KHDRBS2: variants seen among roughly 807,000 people sequenced by gnomAD.
KHDRBS2 encodes the protein KH RNA binding domain containing, signal transduction associated 2.
In KHDRBS2, 26 loss-of-function variants were observed where a neutral mutation model predicts 44.3. The ratio of observed to expected loss-of-function variants is 0.59; its 90% CI spans 0.43 to 0.81. KHDRBS2 has a LOEUF of 0.81. Ranked by LOEUF, KHDRBS2 falls within the 40% of genes least tolerant of loss-of-function variation. The pLI, the probability that KHDRBS2 is intolerant of heterozygous loss-of-function variation, is 0.00. For synonymous variants in KHDRBS2, 194 were observed against 151.1 expected (o/e 1.28, Z -2.08); for missense variants, 476 against 433.1 (o/e 1.10, Z -0.88).
intron 3 of KHDRBS2, among the ~76,000 whole-genome samples, chr6:62,036,522 C>A (rs1200696615): frequency 2.6e-5 from 4 of 151,856 alleles, no homozygotes; most frequent in Non-Finnish European, 4.4e-5. Flanking sequence ...AGCAAACCTG[C>A]ACTTTTATTC....
At chr6:62,057,080 TGAGA>T (rs746037423) in intron 2 of KHDRBS2, among the ~76,000 whole-genome samples, 8 of 151,922 alleles carry the variant, frequency 5.3e-5, no homozygotes, top group Non-Finnish European at 1.2e-4. Context: ...TTTCACAAAG[TGAGA>T]GAAAGTTGGC....
In KHDRBS2 at chr6:62,285,871, G is replaced by A; in HGVS notation, c.78C>T (p.Arg26=). Residue 26 remains arginine (R), a synonymous_variant, in exon 1 of 9, where the codon CGC becomes CGT. Coordinates refer to ENST00000281156, the MANE Select transcript of KHDRBS2 (RefSeq NM_152688.4). The stretch of plus-strand genomic sequence containing the variant: ...GGCAAGTCCTACCTTCTGCCAAAAG[G>A]CGCGACGCATGCACAAAAGATGGAT... ...SLDPSFVHAS[R]LLAEEIEKFQ... 9.9e-6 allele frequency: 16 copies of A among 1,612,774 alleles called. No individual in the cohort carries two copies. The highest frequency in any genetic ancestry group is 1.4e-5 in the Non-Finnish European group (16 of 1,179,376).
intron 4 of KHDRBS2, among the ~76,000 whole-genome samples, chr6:61,951,598 C>A (rs1416176129): frequency 3.3e-5 from 5 of 152,016 alleles, no homozygotes; most frequent in Admixed American, 6.6e-5. Flanking sequence ...ATTGCTTACT[C>A]ATGCAGTTCC....
intron 1 of KHDRBS2, among the ~76,000 whole-genome samples, chr6:62,179,200 G>T (rs1192448199): frequency 6.7e-6 from 1 of 150,310 alleles, no homozygotes; most frequent in Non-Finnish European, 1.5e-5. Context: ...TAATACCTGA[G>T]TGAAATCTAC....
At chr6:61,661,973 C>T in the KHDRBS2 span, among the ~76,000 whole-genome samples, 2 of 151,878 alleles carry the variant, frequency 1.3e-5, no homozygotes, top group Non-Finnish European at 2.9e-5. Flanking sequence ...AAGCTGGAGG[C>T]ATCACACTAC....
At chr6:61,796,518 G>A (rs371172883) in intron 6 of KHDRBS2, among the ~76,000 whole-genome samples, 20 of 151,878 alleles carry the variant, frequency 1.3e-4, no homozygotes, top group East Asian at 7.7e-4. Flanking sequence ...TACAAACCTC[G>A]CTTTTGAGTC....
Position 61,953,274 on chromosome 6 carries a change from A to T in KHDRBS2, c.483+24792T>A, listed in dbSNP as rs549530817. Among the ~76,000 whole-genome samples the T allele has an allele frequency of 1.3e-3, 203 of 152,184 alleles. 1 individual carries two copies. The highest frequency in any genetic ancestry group is 4.6e-3 in the African/African-American group (191 of 41,558). On this transcript the variant is annotated intron_variant, in intron 4 of 8. Transcript: ENST00000281156. ...ATTCTGTCTTAAATGATGCCATCCA[A>T]GACTTTATACATTCTAACCCCAAAC...
At chr6:62,135,444 A>G (rs1811303407) in intron 2 of KHDRBS2, among the ~76,000 whole-genome samples, 1 of 152,160 alleles carries the variant, frequency 6.6e-6, no homozygotes, top group South Asian at 2.1e-4. Flanking sequence ...TGCAGCTGGT[A>G]CAGCCATTAT....
chr6:61,559,280 C>G, the KHDRBS2 span, among the ~76,000 whole-genome samples: 2 of 151,576 alleles, frequency 1.3e-5, no homozygotes, highest in Admixed American at 1.3e-4. Flanking sequence ...TTTTTCCATC[C>G]TTTTCTTACC....
At chr6:62,279,494 C>T (rs1246732032) in intron 1 of KHDRBS2, among the ~76,000 whole-genome samples, 1 of 152,060 alleles carries the variant, frequency 6.6e-6, no homozygotes, top group African/African-American at 2.4e-5. Context: ...TGAAGGCAAG[C>T]ATTAAAAATT....
At chr6:61,710,443 T>C (rs1240047521) in intron 7 of KHDRBS2, among the ~76,000 whole-genome samples, 1 of 151,688 alleles carries the variant, frequency 6.6e-6, no homozygotes, top group Admixed American at 6.6e-5. Context: ...CTGTGAGTGA[T>C]TATTCCTTAG....
At chr6:61,757,643 G>C (rs957798150) in intron 6 of KHDRBS2, among the ~76,000 whole-genome samples, 2 of 151,960 alleles carry the variant, frequency 1.3e-5, no homozygotes, top group South Asian at 4.1e-4. Flanking sequence ...CCATTTGTTT[G>C]TTCTTCCGTT....
At chr6:62,100,035 A>G (rs912061314) in intron 2 of KHDRBS2, among the ~76,000 whole-genome samples, 1 of 152,026 alleles carries the variant, frequency 6.6e-6, no homozygotes, top group African/African-American at 2.4e-5. Context: ...GAAAGGATTA[A>G]CCATTCTAGA....
the KHDRBS2 span, among the ~76,000 whole-genome samples, chr6:61,543,775 A>C: frequency 1.3e-5 from 2 of 152,124 alleles, no homozygotes; most frequent in Non-Finnish European, 2.9e-5. Flanking sequence ...AGCTATAAGA[A>C]AGCATGAGAT....
intron 2 of KHDRBS2, among the ~76,000 whole-genome samples, chr6:62,125,876 C>T (rs902854448): frequency 1.3e-5 from 2 of 152,138 alleles, no homozygotes; most frequent in African/African-American, 4.8e-5. Flanking sequence ...TTGGGTGAGA[C>T]TCAGAGATGT....
chr6:62,180,031 G>A (rs1348791718), intron 1 of KHDRBS2, among the ~76,000 whole-genome samples: 5 of 151,794 alleles, frequency 3.3e-5, no homozygotes, highest in South Asian at 2.1e-4. Flanking sequence ...ATGTCTCTGC[G>A]AAGGACATGA....
At chr6:61,917,260 G>C (rs1279255109) in intron 4 of KHDRBS2, among the ~76,000 whole-genome samples, 1 of 151,624 alleles carries the variant, frequency 6.6e-6, no homozygotes. Flanking sequence ...TGTTAATTCA[G>C]CAATAAAAAT....
At chr6:62,009,191 C>G (rs954640888) in intron 3 of KHDRBS2, among the ~76,000 whole-genome samples, 9 of 152,118 alleles carry the variant, frequency 5.9e-5, no homozygotes, top group Non-Finnish European at 1.2e-4. Flanking sequence ...AGATGAGGAA[C>G]TTGTTGGGAA....
At chr6:61,565,040 A>G in the KHDRBS2 span, among the ~76,000 whole-genome samples, 2 of 152,096 alleles carry the variant, frequency 1.3e-5, no homozygotes, top group Admixed American at 6.6e-5. Context: ...CATTTTCAAC[A>G]AAGGTGCCAA....
Sources: allele counts gnomAD v4.1 joint callset (sites outside exome capture counted in the v4.1 genomes callset), GRCh38; gene constraint gnomAD v4.1.1; transcripts MANE v1.5; gene names NCBI Gene and HGNC (gene_info 2026-07-23, HGNC 2026-07-21).